The following SPRR2G variants were observed in gnomAD, a reference collection of about 807,000 sequenced individuals.
The protein encoded by SPRR2G is small proline-rich protein 2G.
SPRR2G carries 1 observed loss-of-function variant against 0.7 expected under a neutral mutation model. That is an observed-to-expected ratio of 1.49 (90% CI 0.53 to 7.06). The LOEUF (loss-of-function observed/expected upper bound fraction) is 7.06, where lower values mean the gene tolerates loss of function less well. Among genes scored for constraint, SPRR2G ranks in the 30% most tolerant of loss-of-function variants. SPRR2G has a pLI of 0.14. For synonymous variants in SPRR2G, 38 were observed against 33.9 expected (o/e 1.12, Z -0.42); for missense variants, 96 against 88.5 (o/e 1.09, Z -0.34).
the SPRR2G span, among the ~76,000 whole-genome samples, chr1:153,162,660 G>A: frequency 6.6e-6 from 1 of 152,084 alleles, no homozygotes; most frequent in Non-Finnish European, 1.5e-5. Flanking sequence ...TCCTAAAGCA[G>A]GACACATCAT....
At chr1:153,201,483 C>G in the SPRR2G span, among the ~76,000 whole-genome samples, 1 of 152,130 alleles carries the variant, frequency 6.6e-6, no homozygotes, top group Admixed American at 6.5e-5. Flanking sequence ...TAGCTTTGGT[C>G]CAGAGCTGAA....
At chr1:153,152,981 G>T (rs116230546), upstream of SPRR2G, among the ~76,000 whole-genome samples, 594 of 152,214 alleles carry the variant, frequency 3.9e-3, 9 homozygotes, top group African/African-American at 0.013. Context: ...TTTTTATAGA[G>T]AGAGAAAATA....
At chr1:153,183,094 G>T in the SPRR2G span, among the ~76,000 whole-genome samples, 1 of 149,148 alleles carries the variant, frequency 6.7e-6, no homozygotes, top group African/African-American at 2.5e-5. Flanking sequence ...TGGGGACAGA[G>T]TTTCACTCTT....
chr1:153,150,165 G>C, intron 1 of SPRR2G, 34 bp from the exon 2 acceptor site: 2 of 1,606,302 alleles, frequency 1.2e-6, no homozygotes, highest in African/African-American at 2.7e-5. Flanking sequence ...GCTCATAAGA[G>C]AGACAGTCCT....
At position 153,149,804 on chromosome 1, in the gene SPRR2G, A is replaced by G. The variant is rs777530546; in HGVS notation, c.*85T>C. 8.2e-5 allele frequency: 126 copies of G among 1,532,906 alleles called. No individual in the cohort carries two copies. Among genetic ancestry groups the G allele is most frequent in the Non-Finnish European group, 1.1e-4 (122 of 1,112,280 alleles). 95.0% of individuals were successfully genotyped at this position (1,532,906 alleles called of 1,614,324 possible). ...TAGGGAAGATGCAGCCTCCCACTAC[A>G]GCTGAAGGGAAGATGATGGAGTCCT... On this transcript the variant is annotated 3_prime_UTR_variant, in exon 2 of 2. Transcript: ENST00000368748.
At chr1:153,163,192 G>A in the SPRR2G span, among the ~76,000 whole-genome samples, 1 of 152,148 alleles carries the variant, frequency 6.6e-6, no homozygotes, top group Admixed American at 6.5e-5. Flanking sequence ...GGAAAAAGTG[G>A]CACTCGAAAA....
chr1:153,164,943 C>G, the SPRR2G span, among the ~76,000 whole-genome samples: 4 of 152,196 alleles, frequency 2.6e-5, no homozygotes, highest in Non-Finnish European at 4.4e-5. Flanking sequence ...CTTCTCCCTA[C>G]ACACTTCTCA....
chr1:153,158,305 C>T, the SPRR2G span, among the ~76,000 whole-genome samples: 1 of 152,180 alleles, frequency 6.6e-6, no homozygotes, highest in African/African-American at 2.4e-5. Context: ...GTAAATGTTC[C>T]CATTCCAAAT....
At chr1:153,171,693 C>T in the SPRR2G span, among the ~76,000 whole-genome samples, 1 of 152,202 alleles carries the variant, frequency 6.6e-6, no homozygotes, top group African/African-American at 2.4e-5. Context: ...CACCTCTCAA[C>T]TTCACAGCTG....
At chr1:153,176,167 AAGG>A in the SPRR2G span, 1 of 152,126 alleles carries the variant, frequency 6.6e-6, no homozygotes, top group South Asian at 2.1e-4. Context: ...ACTGCCAGAG[AAGG>A]AATAGGGCAC....
chr1:153,191,873 T>C, the SPRR2G span, among the ~76,000 whole-genome samples: 504 of 150,576 alleles, frequency 3.3e-3, 5 homozygotes, highest in African/African-American at 0.012. Context: ...GTTGTTTAAC[T>C]ATCCAGCTAA....
At chr1:153,158,615 C>T in the SPRR2G span, among the ~76,000 whole-genome samples, 2 of 152,218 alleles carry the variant, frequency 1.3e-5, no homozygotes, top group Non-Finnish European at 2.9e-5. Flanking sequence ...CAGTGGCCCT[C>T]TTCTTACAGC....
At chr1:153,202,551 C>T in the SPRR2G span, among the ~76,000 whole-genome samples, 2 of 152,184 alleles carry the variant, frequency 1.3e-5, no homozygotes, top group African/African-American at 2.4e-5. Context: ...TCTGCACAGT[C>T]AGTAAATAAG....
At chr1:153,150,563 A>T (rs1280602945) in intron 1 of SPRR2G, among the ~76,000 whole-genome samples, 1 of 152,092 alleles carries the variant, frequency 6.6e-6, no homozygotes, top group Non-Finnish European at 1.5e-5. Flanking sequence ...ACCCAAGGAG[A>T]TTGCACTCCA....
the SPRR2G span, among the ~76,000 whole-genome samples, chr1:153,196,297 A>G: frequency 1.3e-5 from 2 of 152,324 alleles, no homozygotes; most frequent in East Asian, 3.9e-4. Flanking sequence ...TACTTGATGT[A>G]AGTGGAATGA....
chr1:153,166,921 G>C, the SPRR2G span, among the ~76,000 whole-genome samples: 4 of 151,904 alleles, frequency 2.6e-5, no homozygotes, highest in Non-Finnish European at 5.9e-5. Flanking sequence ...CTTCATAAAA[G>C]TGTTTAGGAA....
At chr1:153,186,601 T>A in the SPRR2G span, among the ~76,000 whole-genome samples, 2 of 152,316 alleles carry the variant, frequency 1.3e-5, no homozygotes, top group Non-Finnish European at 2.9e-5. Flanking sequence ...TCTTTGCAAG[T>A]GAGATGGGTC....
At chr1:153,179,391 T>G in the SPRR2G span, among the ~76,000 whole-genome samples, 1 of 152,154 alleles carries the variant, frequency 6.6e-6, no homozygotes, top group Non-Finnish European at 1.5e-5. Context: ...TGTGTTAGTT[T>G]TTTATTTTCA....
the SPRR2G span, among the ~76,000 whole-genome samples, chr1:153,184,189 C>T: frequency 6.6e-5 from 10 of 152,110 alleles, no homozygotes; most frequent in African/African-American, 2.4e-4. Context: ...TTAGGATTGT[C>T]TTGGCTATGT....
Sources: allele counts gnomAD v4.1 joint callset (sites outside exome capture counted in the v4.1 genomes callset), GRCh38; gene constraint gnomAD v4.1.1; transcripts MANE v1.5; gene names NCBI Gene and HGNC (gene_info 2026-07-23, HGNC 2026-07-21).